The following SIL1 variants were observed in gnomAD, a reference collection of about 807,000 sequenced individuals.
SIL1 encodes nucleotide exchange factor SIL1.
In SIL1, 40 loss-of-function variants were observed where a neutral mutation model predicts 49.1. The ratio of observed to expected loss-of-function variants is 0.81; its 90% confidence interval spans 0.63 to 1.06. The LOEUF (loss-of-function observed/expected upper bound fraction) is 1.06, where lower values mean the gene tolerates loss of function less well. SIL1 is among the 50% of genes least tolerant of loss of function. The pLI, the probability that SIL1 is intolerant of heterozygous loss-of-function variation, is 0.00. For missense variants in SIL1, 500 were observed against 572.6 expected (o/e 0.87, Z 1.29); for synonymous variants, 253 against 250.8 (o/e 1.01, Z -0.08).
intron 1 of SIL1, among the ~76,000 whole-genome samples, chr5:139,160,143 T>TTACACACACACA (rs373584010): frequency 7.3e-6 from 1 of 137,756 alleles, no homozygotes; most frequent in African/African-American, 2.8e-5. Flanking sequence ...ATTTCCACAA[T>TTACACACACACA]CACACACACA....
At chr5:139,134,934 C>G (rs967838271) in intron 1 of SIL1, among the ~76,000 whole-genome samples, 26 of 152,184 alleles carry the variant, frequency 1.7e-4, no homozygotes, top group African/African-American at 6.3e-4. Context: ...CTAATTTAAG[C>G]AGACAAATAT....
chr5:138,984,907 C>G (rs187104443), intron 7 of SIL1, among the ~76,000 whole-genome samples: 9 of 152,250 alleles, frequency 5.9e-5, no homozygotes, highest in Admixed American at 4.6e-4. Flanking sequence ...GCTTCTCAGG[C>G]GCTATTCTTC....
In SIL1 at chr5:139,125,514, T is replaced by C. The variant is rs113233372; in HGVS notation, c.105+2225A>G. 6.0e-3 allele frequency among the ~76,000 whole-genome samples: 910 copies of C among 152,328 alleles called. 5 individuals are homozygous for C. The highest frequency in any genetic ancestry group is 0.02 in the African/African-American group (837 of 41,566). ...GCAACGTTTTGGGACAGAAGCCTGC[T>C]TGACACAGCCCAAATTAAACCATAG... On this transcript the variant is annotated intron_variant, in intron 2 of 9. Coordinates refer to ENST00000394817, the MANE Select transcript of SIL1 (RefSeq NM_022464.5).
chr5:138,951,153 G>A lies in SIL1; in HGVS notation c.1029+18C>T. 3 of 1,609,866 alleles carry A rather than the reference G, an allele frequency of 1.9e-6. No individual in the cohort carries two copies. Among genetic ancestry groups the A allele is most frequent in the Non-Finnish European group, 2.5e-6 (3 of 1,178,066 alleles). On this transcript the variant is annotated intron_variant, in intron 9 of 9. Transcript: ENST00000394817. Reference sequence around the variant, plus strand: ...CACAAAGCAAACAAGAGGAGACTGGGTGGGCCTGGGCACTCACCTTCTCCG... The same window carrying A: ...CACAAAGCAAACAAGAGGAGACTGGATGGGCCTGGGCACTCACCTTCTCCG...
At chr5:139,007,102 T>G (rs1020318122) in intron 7 of SIL1, among the ~76,000 whole-genome samples, 2 of 140,976 alleles carry the variant, frequency 1.4e-5, no homozygotes, top group Non-Finnish European at 3.1e-5. Flanking sequence ...GCATGGAATG[T>G]TCTTCCATTT....
chr5:139,068,144 T>C (rs1480238257), intron 3 of SIL1, among the ~76,000 whole-genome samples: 3 of 152,190 alleles, frequency 2.0e-5, no homozygotes, highest in Non-Finnish European at 2.9e-5. Context: ...CGTCGTCTAA[T>C]CTACCAAATC....
At chr5:139,069,174 G>C (rs996486952) in intron 3 of SIL1, among the ~76,000 whole-genome samples, 1 of 152,118 alleles carries the variant, frequency 6.6e-6, no homozygotes, top group African/African-American at 2.4e-5. Flanking sequence ...TGCAGTCCCA[G>C]CTACTTGGGA....
chr5:139,048,158 A>C (rs1233727169), intron 4 of SIL1, among the ~76,000 whole-genome samples: 3 of 151,802 alleles, frequency 2.0e-5, no homozygotes, highest in Non-Finnish European at 4.4e-5. Context: ...TATTTTGCTT[A>C]TTTATTTTTT....
intron 3 of SIL1, among the ~76,000 whole-genome samples, chr5:139,100,953 A>G (rs913633821): frequency 1.3e-5 from 2 of 152,236 alleles, no homozygotes; most frequent in East Asian, 3.9e-4. Flanking sequence ...ATCAGCATAC[A>G]GATGAAACAT....
At chr5:138,971,717 G>A (rs530580766) in intron 7 of SIL1, among the ~76,000 whole-genome samples, 15 of 152,224 alleles carry the variant, frequency 9.9e-5, no homozygotes, top group African/African-American at 3.6e-4. Context: ...GGAGAGGGAG[G>A]GAAACTCAGC....
chr5:139,170,987 CGGG>C (rs1751750130), intron 1 of SIL1, among the ~76,000 whole-genome samples: 1 of 144,778 alleles, frequency 6.9e-6, no homozygotes, highest in African/African-American at 2.6e-5. Context: ...CCGCCCCGTC[CGGG>C]AGGTGAGGGG....
chr5:139,099,597 T>TA (rs1008572913), intron 3 of SIL1, among the ~76,000 whole-genome samples: 7 of 150,514 alleles, frequency 4.7e-5, no homozygotes, highest in African/African-American at 7.3e-5. Context: ...ATTCAGTCAT[T>TA]AAAAAAAAAG....
At chr5:139,116,652 C>A (rs1332451635) in intron 3 of SIL1, among the ~76,000 whole-genome samples, 1 of 152,218 alleles carries the variant, frequency 6.6e-6, no homozygotes, top group Non-Finnish European at 1.5e-5. Context: ...GTTGCCAAGG[C>A]TGGAGTGCAG....
chr5:139,191,982 G>C (rs1344304338), intron 1 of SIL1, among the ~76,000 whole-genome samples: 3 of 147,936 alleles, frequency 2.0e-5, no homozygotes, highest in Non-Finnish European at 4.4e-5. Context: ...GGCTGAGGCA[G>C]AAGAATCACT....
intron 1 of SIL1, among the ~76,000 whole-genome samples, chr5:139,135,043 A>G (rs1333379046): frequency 6.6e-6 from 1 of 152,230 alleles, no homozygotes; most frequent in Non-Finnish European, 1.5e-5. Context: ...ATTTTAAAGA[A>G]TAATTTGAAG....
chr5:139,020,692 A>G (rs1768501054), intron 7 of SIL1, among the ~76,000 whole-genome samples: 1 of 152,196 alleles, frequency 6.6e-6, no homozygotes, highest in Admixed American at 6.5e-5. Context: ...AGACTAACTG[A>G]AATTCTCAAC....
chr5:138,955,933 G>C (rs1268052018), intron 7 of SIL1, among the ~76,000 whole-genome samples: 1 of 152,176 alleles, frequency 6.6e-6, no homozygotes, highest in Non-Finnish European at 1.5e-5. Context: ...AACTGGAAAA[G>C]GCAGAGCTCT....
intron 9 of SIL1, among the ~76,000 whole-genome samples, chr5:138,949,495 C>T (rs924409275): frequency 6.6e-6 from 1 of 152,208 alleles, no homozygotes; most frequent in South Asian, 2.1e-4. Flanking sequence ...GGACCCACCC[C>T]TAGCTTGGCT....
chr5:139,174,792 G>T (rs192749366), intron 1 of SIL1, among the ~76,000 whole-genome samples: 1 of 150,466 alleles, frequency 6.6e-6, no homozygotes, highest in African/African-American at 2.4e-5. Context: ...ACAAAAATTA[G>T]CCGGGCATCA....
Sources: allele counts gnomAD v4.1 joint callset (sites outside exome capture counted in the v4.1 genomes callset), GRCh38; gene constraint gnomAD v4.1.1; transcripts MANE v1.5; gene names NCBI Gene and HGNC (gene_info 2026-07-23, HGNC 2026-07-21).